Variants in SLC4A5 observed in about 807,000 individuals in gnomAD.
SLC4A5 encodes solute carrier family 4 member 5, also known as electrogenic sodium bicarbonate cotransporter 4.
SLC4A5 carries 96 observed loss-of-function variants against 120.4 expected under a neutral mutation model. The observed-to-expected ratio is 0.80, with a 90% CI of 0.68 to 0.94. The LOEUF is 0.94. Ranked by LOEUF, SLC4A5 falls within the 40% of genes least tolerant of loss-of-function variation. The probability of loss-of-function intolerance (pLI) is 0.00; values close to 1 mark genes in which losing one functional copy is unlikely to be tolerated. For missense variants in SLC4A5, 1,259 were observed against 1,459.5 expected (o/e 0.86, Z 2.24); for synonymous variants, 550 against 571.1 (o/e 0.96, Z 0.53).
chr2:74,247,616 G>GT, intron 18 of SLC4A5, among the ~76,000 whole-genome samples: 2 of 152,048 alleles, frequency 1.3e-5, no homozygotes, highest in East Asian at 3.9e-4. Flanking sequence ...CCTGGTTCAA[G>GT]TGATTCTCCT....
intron 6 of SLC4A5, among the ~76,000 whole-genome samples, chr2:74,312,535 C>G (rs1470465197): frequency 6.6e-6 from 1 of 152,074 alleles, no homozygotes; most frequent in Non-Finnish European, 1.5e-5. Flanking sequence ...TGGCCTGTGT[C>G]TTTATATTTA....
chr2:74,219,474 C>A (rs1004296351), intron 30 of SLC4A5, among the ~76,000 whole-genome samples: 6 of 152,128 alleles, frequency 3.9e-5, no homozygotes, highest in African/African-American at 9.7e-5. Flanking sequence ...CTTTGTTAAA[C>A]CAGATCATGT....
intron 6 of SLC4A5, among the ~76,000 whole-genome samples, chr2:74,306,339 G>A (rs1327125699): frequency 6.6e-6 from 1 of 150,798 alleles, no homozygotes; most frequent in Non-Finnish European, 1.5e-5. Context: ...TCTGACCAGA[G>A]ACATTCCAAC....
chr2:74,299,413 C>G (rs1434691017), intron 7 of SLC4A5, among the ~76,000 whole-genome samples: 2 of 152,212 alleles, frequency 1.3e-5, no homozygotes, highest in African/African-American at 4.8e-5. Context: ...CCTGCACATT[C>G]TCTCTTGCGT....
intron 5 of SLC4A5, among the ~76,000 whole-genome samples, chr2:74,319,062 C>T (rs1673032800): frequency 6.6e-6 from 1 of 152,022 alleles, no homozygotes; most frequent in Non-Finnish European, 1.5e-5. Context: ...TCTTTTGCAT[C>T]AACATGGATG....
chr2:74,227,525 GCTT>G (rs1348103405), intron 26 of SLC4A5: 8 of 1,612,474 alleles, frequency 5.0e-6, no homozygotes, highest in Admixed American at 1.7e-5. Context: ...ACTGGAGTCA[GCTT>G]CTTCTGGATT....
intron 28 of SLC4A5, 104 bp from the exon 29 acceptor site, chr2:74,223,056 G>T (rs1160010668): frequency 1.5e-6 from 1 of 673,476 alleles, no homozygotes; most frequent in East Asian, 3.1e-5. Flanking sequence ...CCAGGCTGGA[G>T]TGCAGTGGTG....
At chr2:74,236,632 A>G (rs190623174) in intron 21 of SLC4A5, among the ~76,000 whole-genome samples, 4 of 152,372 alleles carry the variant, frequency 2.6e-5, no homozygotes, top group Non-Finnish European at 4.4e-5. Context: ...TATAAATATT[A>G]GTCACAGCAG....
At chr2:74,237,977 C>T (rs977527096) in intron 21 of SLC4A5, among the ~76,000 whole-genome samples, 2 of 152,184 alleles carry the variant, frequency 1.3e-5, no homozygotes, top group Admixed American at 6.5e-5. Context: ...TGGCAGGCGC[C>T]TGTAGTCCCA....
intron 27 of SLC4A5, among the ~76,000 whole-genome samples, chr2:74,226,473 C>T (rs188270212): frequency 5.3e-5 from 8 of 152,320 alleles, no homozygotes; most frequent in African/African-American, 1.9e-4. Context: ...TTCCCTTGCT[C>T]AAGCTTTATA....
chr2:74,258,245 C>T (rs1281373202), intron 12 of SLC4A5, among the ~76,000 whole-genome samples: 1 of 152,228 alleles, frequency 6.6e-6, no homozygotes, highest in African/African-American at 2.4e-5. Flanking sequence ...GAGCAAATGC[C>T]TCTGGGCTTG....
At chr2:74,307,285 C>T (rs1261152491) in intron 6 of SLC4A5, 5 of 523,220 alleles carry the variant, frequency 9.6e-6, no homozygotes, top group East Asian at 4.1e-5. Flanking sequence ...ATCTTATCAA[C>T]GTCCTAAGAT....
At chr2:74,225,468 T>C (rs1186967055) in intron 27 of SLC4A5, among the ~76,000 whole-genome samples, 1 of 152,052 alleles carries the variant, frequency 6.6e-6, no homozygotes, top group Non-Finnish European at 1.5e-5. Flanking sequence ...TGGTGGTGGG[T>C]GCCTGTAGTC....
At chr2:74,319,447 A>C (rs767855955) in intron 5 of SLC4A5, 1 of 152,198 alleles carries the variant, frequency 6.6e-6, no homozygotes, top group Non-Finnish European at 1.5e-5. Flanking sequence ...ATAAAAGATA[A>C]GCATGACCCC....
rs765166181 is a variant in SLC4A5, at chr2:74,262,113, C to A, written c.811+24G>T. On this transcript the variant is annotated intron_variant, in intron 11 of 30. Coordinates refer to ENST00000394019, the Ensembl canonical transcript of SLC4A5. ...TGCCACAGCCTGAATAAAGCTGCCA[C>A]AGAGCGGCAGAGCACACACTCACAC... 8.1e-6 allele frequency: 13 copies of A among 1,605,368 alleles called. No homozygotes were observed. In the Admixed American group the frequency reaches 2.2e-4, roughly 27 times the overall value.
chr2:74,264,212 C>A, exon 10 of SLC4A5: 1 of 1,614,220 alleles, frequency 6.2e-7, no homozygotes, highest in Non-Finnish European at 8.5e-7. Context: ...GGTTTGGTGG[C>A]GGTGCCTCCT....
chr2:74,253,606 CAA>C (rs55993038), intron 14 of SLC4A5, among the ~76,000 whole-genome samples: 1 of 142,446 alleles, frequency 7.0e-6, no homozygotes, highest in Non-Finnish European at 1.5e-5. Flanking sequence ...CCCATTTAGG[CAA>C]AAAAAAAAAG....
intron 5 of SLC4A5, among the ~76,000 whole-genome samples, chr2:74,321,661 G>A (rs1295265585): frequency 6.6e-6 from 1 of 151,932 alleles, no homozygotes; most frequent in African/African-American, 2.4e-5. Context: ...AAGGGAAAAA[G>A]GGAGAATGCG....
Position 74,233,435 on chromosome 2 carries a change from G to A in SLC4A5, c.2562C>T (p.Ala854=), listed in dbSNP as rs376673803. 212 of 1,614,106 alleles carry A rather than the reference G, an allele frequency of 1.3e-4. No individual in the cohort carries two copies. The Middle Eastern group carries it at 2.0e-3, about 15-fold the overall frequency. Reference sequence around the variant, plus strand: ...TGTTCTCCTTCCGGTTGACAATGACGGCAGTGATCTGCTGGTCCATGAAGA... The same window carrying A: ...TGTTCTCCTTCCGGTTGACAATGACAGCAGTGATCTGCTGGTCCATGAAGA... The change falls in exon 23 of 31, where the codon GCC becomes GCT. Residue 854 remains alanine, a synonymous_variant. Coordinates refer to ENST00000394019, the Ensembl canonical transcript of SLC4A5.
Sources: gnomAD v4.1 joint callset for allele counts (sites outside exome capture counted in the v4.1 genomes callset) on GRCh38, gnomAD v4.1.1 for gene constraint, MANE v1.5 for transcripts, NCBI Gene and HGNC (gene_info 2026-07-23, HGNC 2026-07-21) for gene names.